Variants in ERC2 observed in about 807,000 individuals in gnomAD.
ERC2 encodes the protein ELKS/RAB6-interacting/CAST family member 2.
In ERC2, 42 loss-of-function variants were observed where a neutral mutation model predicts 114.8. The observed-to-expected ratio is 0.37, with a 90% confidence interval of 0.29 to 0.47. The LOEUF is 0.47. Among genes scored for constraint, ERC2 ranks in the 20% least tolerant of loss-of-function variants. The pLI is 0.99. For missense variants in ERC2, 939 were observed against 1,150.7 expected (o/e 0.82, Z 2.66); for synonymous variants, 454 against 425.5 (o/e 1.07, Z -0.82).
At chr3:55,763,630 A>G (rs1444442515) in intron 14 of ERC2, among the ~76,000 whole-genome samples, 2 of 152,214 alleles carry the variant, frequency 1.3e-5, no homozygotes, top group Admixed American at 1.3e-4. Flanking sequence ...TCCAGCACAT[A>G]GAAGTTATTC....
Position 55,575,090 on chromosome 3 carries a change from T to G in ERC2, c.*40-63814A>C, listed in dbSNP as rs547600501. Among the ~76,000 whole-genome samples, 8 of 152,334 alleles carry G rather than the reference T, an allele frequency of 5.3e-5. No individual in the cohort carries two copies. The South Asian group carries it at 1.5e-3, about 28-fold the overall frequency. On this transcript the variant is annotated intron_variant, in intron 17 of 17. Coordinates refer to ENST00000288221, the MANE Select transcript of ERC2 (RefSeq NM_015576.3). ...GTGCAGTGGCATGATCTTGGCTCAC[T>G]GCAACCTCCGCCCTCCTGGGTTCAA...
intron 15 of ERC2, among the ~76,000 whole-genome samples, chr3:55,719,091 T>C (rs815414): frequency 0.55 from 83,622 of 151,872 alleles, 23,387 homozygotes; most frequent in South Asian, 0.69. Flanking sequence ...AATTAAGCCC[T>C]GAGAATTTAT....
chr3:56,050,004 A>C (rs1263945226), intron 7 of ERC2, among the ~76,000 whole-genome samples: 1 of 152,178 alleles, frequency 6.6e-6, no homozygotes, highest in African/African-American at 2.4e-5. Flanking sequence ...GACACTGTAC[A>C]AAAGGCAAAA....
chr3:55,736,986 A>G (rs1433990361), intron 14 of ERC2, among the ~76,000 whole-genome samples: 1 of 152,112 alleles, frequency 6.6e-6, no homozygotes, highest in Non-Finnish European at 1.5e-5. Context: ...AACATTCTAG[A>G]CACTTTGGAA....
intron 10 of ERC2, chr3:56,003,112 T>G: frequency 1.6e-6 from 2 of 1,289,276 alleles, no homozygotes; most frequent in Non-Finnish European, 2.0e-6. Flanking sequence ...GTTGTACATC[T>G]GATTGAACAA....
At chr3:56,355,466 G>A (rs532426850) in intron 2 of ERC2, among the ~76,000 whole-genome samples, 2 of 152,000 alleles carry the variant, frequency 1.3e-5, no homozygotes, top group African/African-American at 4.8e-5. Context: ...CCACAGGCAT[G>A]CACATCATGC....
intron 7 of ERC2, among the ~76,000 whole-genome samples, chr3:56,074,604 A>G (rs1054640484): frequency 6.6e-6 from 1 of 152,172 alleles, no homozygotes; most frequent in Non-Finnish European, 1.5e-5. Context: ...TCTTTTTATT[A>G]AAAAGGAAAA....
At chr3:55,725,555 G>A (rs568599904) in intron 15 of ERC2, among the ~76,000 whole-genome samples, 2 of 152,292 alleles carry the variant, frequency 1.3e-5, no homozygotes, top group East Asian at 1.9e-4. Flanking sequence ...TCATGAGCTA[G>A]TATCTATGAT....
At chr3:55,709,247 G>A (rs1179374) in intron 15 of ERC2, among the ~76,000 whole-genome samples, 83,217 of 151,722 alleles carry the variant, frequency 0.55, 23,136 homozygotes, top group South Asian at 0.69. Context: ...TCCGAAAGAG[G>A]CCGTGAGAGT....
At chr3:56,362,906 T>C (rs2059011933) in intron 2 of ERC2, among the ~76,000 whole-genome samples, 1 of 152,230 alleles carries the variant, frequency 6.6e-6, no homozygotes, top group Admixed American at 6.5e-5. Context: ...CAAAATGCTA[T>C]CCAGCAATTG....
At chr3:55,608,380 C>T (rs554333222) in intron 17 of ERC2, among the ~76,000 whole-genome samples, 53 of 152,166 alleles carry the variant, frequency 3.5e-4, no homozygotes, top group Non-Finnish European at 6.9e-4. Flanking sequence ...AAAATATCCC[C>T]GTGCATGTGC....
intron 14 of ERC2, among the ~76,000 whole-genome samples, chr3:55,877,498 T>C (rs1370073692): frequency 6.6e-6 from 1 of 150,660 alleles, no homozygotes. Context: ...TTTCTCTTTT[T>C]TTAATTTTTA....
chr3:55,560,650 C>G (rs1210601475), intron 17 of ERC2, among the ~76,000 whole-genome samples: 1 of 152,178 alleles, frequency 6.6e-6, no homozygotes, highest in Non-Finnish European at 1.5e-5. Context: ...CACATGGAGT[C>G]AAACTTCCCA....
At chr3:56,460,665 A>C (rs1331919447) in intron 1 of ERC2, among the ~76,000 whole-genome samples, 1 of 152,250 alleles carries the variant, frequency 6.6e-6, no homozygotes, top group African/African-American at 2.4e-5. Context: ...AGCTCCAAGT[A>C]GTAAGGAACT....
At chr3:56,151,165 C>G (rs1197648421) in intron 4 of ERC2, among the ~76,000 whole-genome samples, 1 of 152,126 alleles carries the variant, frequency 6.6e-6, no homozygotes, top group Non-Finnish European at 1.5e-5. Context: ...AACATAGGTT[C>G]AAGCAATTTT....
chr3:56,116,576 A>G (rs1368109797), intron 6 of ERC2, among the ~76,000 whole-genome samples: 1 of 152,128 alleles, frequency 6.6e-6, no homozygotes, highest in Admixed American at 6.5e-5. Context: ...GGCTCTTCAC[A>G]TCTTCCCACC....
Position 55,742,272 on chromosome 3 carries a change from G to A in ERC2, c.2565-7354C>T, listed in dbSNP as rs192188731. ...TCACTTATCACAGTCCATTTAAAAG[G>A]GAGCTTTGTAAACATTTCTACTTCA... On this transcript the variant is annotated intron_variant, in intron 14 of 17. Transcript: ENST00000288221. 3.5e-4 allele frequency among the ~76,000 whole-genome samples: 53 copies of A among 152,218 alleles called. No homozygotes were observed. The Middle Eastern group carries it at 0.01, about 29-fold the overall frequency.
chr3:55,552,941 C>A (rs2055319016), intron 17 of ERC2, among the ~76,000 whole-genome samples: 1 of 149,740 alleles, frequency 6.7e-6, no homozygotes, highest in Non-Finnish European at 1.5e-5. Flanking sequence ...CATTCTTCTA[C>A]CTTACTCTCA....
chr3:56,339,865 C>T (rs147884131), intron 2 of ERC2, among the ~76,000 whole-genome samples: 12 of 152,192 alleles, frequency 7.9e-5, no homozygotes, highest in African/African-American at 2.9e-4. Flanking sequence ...TCTCCCACTA[C>T]CAGGCCTTGG....
Sources: allele counts gnomAD v4.1 joint callset (sites outside exome capture counted in the v4.1 genomes callset), GRCh38; gene constraint gnomAD v4.1.1; transcripts MANE v1.5; gene names NCBI Gene and HGNC (gene_info 2026-07-23, HGNC 2026-07-21).